FRMD5: variants seen among roughly 807,000 people sequenced by gnomAD.
FRMD5 encodes FERM domain containing 5.
Under a neutral mutation model 69.0 loss-of-function variants are expected in FRMD5, and 20 were observed. The ratio of observed to expected loss-of-function variants is 0.29; its 90% confidence interval spans 0.20 to 0.42. FRMD5 has a LOEUF of 0.42. Among genes scored for constraint, FRMD5 ranks in the 10% least tolerant of loss-of-function variants. The pLI is 1.00. For synonymous variants in FRMD5, 271 were observed against 260.1 expected (o/e 1.04, Z -0.40); for missense variants, 595 against 708.6 (o/e 0.84, Z 1.82).
At chr15:44,182,511 A>G (rs2078023128) in intron 1 of FRMD5, among the ~76,000 whole-genome samples, 1 of 151,072 alleles carries the variant, frequency 6.6e-6, no homozygotes, top group South Asian at 2.1e-4. Context: ...TTGTATTTTT[A>G]GTAGAGACGA....
At chr15:44,075,526 T>C (rs939086201) in intron 1 of FRMD5, among the ~76,000 whole-genome samples, 1 of 152,134 alleles carries the variant, frequency 6.6e-6, no homozygotes, top group African/African-American at 2.4e-5. Context: ...AAACACTCCA[T>C]TGTAAATACT....
chr15:44,065,570 T>C (rs1172865172), intron 1 of FRMD5, among the ~76,000 whole-genome samples: 1 of 152,146 alleles, frequency 6.6e-6, no homozygotes, highest in Non-Finnish European at 1.5e-5. Context: ...AGTACACAGG[T>C]TGACTTAGAC....
chr15:43,960,664 G>A (rs1187722406), intron 1 of FRMD5, among the ~76,000 whole-genome samples: 7 of 152,324 alleles, frequency 4.6e-5, no homozygotes, highest in Admixed American at 3.9e-4. Flanking sequence ...GATTACAGGC[G>A]TGAGCCACCG....
chr15:44,197,201 A>T (rs1303329624), upstream of FRMD5, among the ~76,000 whole-genome samples: 1 of 60,544 alleles, frequency 1.7e-5, no homozygotes, highest in Non-Finnish European at 4.1e-5. Flanking sequence ...ACTCGGTCTA[A>T]AAAAAAAAAA....
At chr15:44,095,208 T>C (rs1279639960) in intron 1 of FRMD5, among the ~76,000 whole-genome samples, 1 of 143,940 alleles carries the variant, frequency 6.9e-6, no homozygotes, top group East Asian at 2.0e-4. Flanking sequence ...ATTTCTTTCT[T>C]TTTTTTTTTT....
At chr15:43,893,665 T>A (rs2088848401) in intron 7 of FRMD5, among the ~76,000 whole-genome samples, 2 of 151,936 alleles carry the variant, frequency 1.3e-5, no homozygotes, top group African/African-American at 2.4e-5. Flanking sequence ...TGCCATGGAG[T>A]TAGGGCCAGA....
chr15:44,198,473 T>G (rs2078324384), upstream of FRMD5, among the ~76,000 whole-genome samples: 1 of 152,154 alleles, frequency 6.6e-6, no homozygotes, highest in African/African-American at 2.4e-5. Flanking sequence ...ACAAAACACT[T>G]TGTGAGGAAT....
chr15:43,980,057 T>C (rs1595582987), intron 1 of FRMD5, among the ~76,000 whole-genome samples: 1 of 152,238 alleles, frequency 6.6e-6, no homozygotes, highest in Non-Finnish European at 1.5e-5. Context: ...CCTCCTGTTT[T>C]TGCTTCGAAA....
At chr15:43,966,065 T>C (rs2090290094) in intron 1 of FRMD5, among the ~76,000 whole-genome samples, 1 of 152,022 alleles carries the variant, frequency 6.6e-6, no homozygotes, top group African/African-American at 2.4e-5. Flanking sequence ...AAGTCACAAT[T>C]CTTGCCTTTT....
chr15:43,937,960 C>T (rs1453230726), intron 1 of FRMD5, among the ~76,000 whole-genome samples: 2 of 152,056 alleles, frequency 1.3e-5, no homozygotes, highest in African/African-American at 4.8e-5. Flanking sequence ...TCATAACTAC[C>T]ATTTCTTAAG....
intron 1 of FRMD5, among the ~76,000 whole-genome samples, chr15:44,047,121 A>G (rs1250883592): frequency 1.3e-5 from 2 of 152,236 alleles, no homozygotes; most frequent in African/African-American, 2.4e-5. Context: ...ACTCTGGCCA[A>G]CGTGGTGAAA....
intron 1 of FRMD5, among the ~76,000 whole-genome samples, chr15:44,039,137 G>A (rs936443571): frequency 1.3e-5 from 2 of 152,196 alleles, no homozygotes; most frequent in Admixed American, 6.5e-5. Context: ...GCCTCTCTAG[G>A]CAGGGCATCT....
At chr15:43,876,723 ACTCT>A (rs1381478577) in intron 13 of FRMD5, among the ~76,000 whole-genome samples, 1 of 152,024 alleles carries the variant, frequency 6.6e-6, no homozygotes, top group East Asian at 1.9e-4. Context: ...TGGGGTAGAA[ACTCT>A]CTCTGCTCTT....
At chr15:44,056,233 G>C (rs1210230442) in intron 1 of FRMD5, among the ~76,000 whole-genome samples, 3 of 152,174 alleles carry the variant, frequency 2.0e-5, no homozygotes, top group African/African-American at 4.8e-5. Flanking sequence ...TCAAGGTAGT[G>C]GGGGGATTCC....
At chr15:44,016,755 G>A (rs764109954) in intron 1 of FRMD5, among the ~76,000 whole-genome samples, 66 of 151,876 alleles carry the variant, frequency 4.3e-4, no homozygotes, top group Middle Eastern at 6.9e-3. Context: ...GAAGACTTGG[G>A]TTCGAGTCTA....
intron 4 of FRMD5, among the ~76,000 whole-genome samples, chr15:43,913,015 G>A (rs555293452): frequency 1.3e-4 from 19 of 146,066 alleles, no homozygotes; most frequent in Non-Finnish European, 2.5e-4. Flanking sequence ...CCTGGCTGAC[G>A]AGAGCAAAAC....
chr15:43,886,305 C>G (rs926596554), intron 10 of FRMD5, among the ~76,000 whole-genome samples: 1 of 152,124 alleles, frequency 6.6e-6, no homozygotes, highest in African/African-American at 2.4e-5. Context: ...TTGGAGGGTC[C>G]TAAAATACAT....
At chr15:44,198,320 C>A (rs544237463), upstream of FRMD5, among the ~76,000 whole-genome samples, 11 of 121,426 alleles carry the variant, frequency 9.1e-5, no homozygotes, top group African/African-American at 3.1e-4. Flanking sequence ...GAGCCAGATC[C>A]TGTCTCAAAA....
intron 1 of FRMD5, chr15:44,101,587 C>G (rs1490590152): frequency 5.2e-5 from 8 of 152,670 alleles, no homozygotes. Flanking sequence ...TCTTTTGGAT[C>G]TTTTCTATAA....
Sources: allele counts gnomAD v4.1 joint callset (sites outside exome capture counted in the v4.1 genomes callset), GRCh38; gene constraint gnomAD v4.1.1; transcripts MANE v1.5; gene names NCBI Gene and HGNC (gene_info 2026-07-23, HGNC 2026-07-21).